The following PPP1R16B variants were observed in gnomAD, a reference collection of about 807,000 sequenced individuals.
PPP1R16B encodes the protein protein phosphatase 1 regulatory subunit 16B, also known as protein phosphatase 1 regulatory inhibitor subunit 16B.
PPP1R16B carries 14 observed loss-of-function variants against 61.7 expected under a neutral mutation model. The ratio of observed to expected loss-of-function variants is 0.23; its 90% CI spans 0.15 to 0.35. The LOEUF is 0.35. Ranked by LOEUF, PPP1R16B falls within the 10% of genes least tolerant of loss-of-function variation. PPP1R16B has a pLI of 1.00. For synonymous variants in PPP1R16B, 266 were observed against 305.3 expected, an observed-to-expected ratio of 0.87 and a Z score of 1.34; for missense variants, 547 against 752.5, an observed-to-expected ratio of 0.73 and a Z score of 3.19.
At chr20:38,898,168 T>A (rs1378503302) in intron 4 of PPP1R16B, among the ~76,000 whole-genome samples, 1 of 152,170 alleles carries the variant, frequency 6.6e-6, no homozygotes, top group Non-Finnish European at 1.5e-5. Context: ...TTATATATGG[T>A]ATTGGGTAAG....
chr20:38,913,855 C>A (rs1177266246), intron 10 of PPP1R16B, among the ~76,000 whole-genome samples: 1 of 152,022 alleles, frequency 6.6e-6, no homozygotes, highest in Non-Finnish European at 1.5e-5. Context: ...GAGTCAAAGT[C>A]CAGGATCCTG....
intron 1 of PPP1R16B, among the ~76,000 whole-genome samples, chr20:38,813,018 G>C (rs978669279): frequency 6.6e-6 from 1 of 152,136 alleles, no homozygotes; most frequent in East Asian, 1.9e-4. Context: ...ACTTTGAGAA[G>C]CAAGGGTATG....
In PPP1R16B at chr20:38,818,772, T is replaced by C. The variant is rs80286490; in HGVS notation, c.-102+12980T>C. Among the ~76,000 whole-genome samples, 338 of 151,148 alleles carry C rather than the reference T, an allele frequency of 2.2e-3. 1 individual carries two copies. The highest frequency in any genetic ancestry group is 6.8e-3 in the Middle Eastern group (2 of 294). On this transcript the variant is annotated intron_variant, in intron 1 of 10. Coordinates refer to ENST00000299824, the MANE Select transcript of PPP1R16B (RefSeq NM_015568.4). ...TTGTCCTCTTTTTTTTTTTTTTTTT[T>C]CCCCTTGAGACAAGATCTCACTCTG...
At chr20:38,870,011 C>T (rs1209460020) in intron 2 of PPP1R16B, among the ~76,000 whole-genome samples, 4 of 152,102 alleles carry the variant, frequency 2.6e-5, no homozygotes, top group African/African-American at 4.8e-5. Context: ...GCAACCTCCA[C>T]CTCCTGGGTT....
rs2145765943 is a variant in PPP1R16B, at chr20:38,895,583, G to A, written c.340G>A (p.Glu114Lys). 1 of 1,613,914 alleles carries A rather than the reference G, an allele frequency of 6.2e-7. No individual in the cohort carries two copies. Among genetic ancestry groups the A allele is most frequent in the East Asian group, 2.2e-5 (1 of 44,876 alleles). Residue 114 changes from glutamate (E) to lysine (K), a missense_variant, in exon 4 of 11, where the codon GAG (glutamate) becomes AAG (lysine). Coordinates refer to ENST00000299824, the MANE Select transcript of PPP1R16B (RefSeq NM_015568.4). ...ALHQCCIDNF[E>K]EIVKLLLSHG... is the part of the protein sequence containing the mutation. Reference sequence around the variant, plus strand: ...CTCCCAGTGCTGCATCGACAACTTTGAGGAAATTGTGAAGCTGCTCCTCTC... The same window carrying A: ...CTCCCAGTGCTGCATCGACAACTTTAAGGAAATTGTGAAGCTGCTCCTCTC...
chr20:38,867,386 T>C (rs2085097669), intron 2 of PPP1R16B, among the ~76,000 whole-genome samples: 1 of 152,216 alleles, frequency 6.6e-6, no homozygotes, highest in Admixed American at 6.5e-5. Flanking sequence ...CCAGGGTCCA[T>C]GGTTCAGATG....
intron 1 of PPP1R16B, among the ~76,000 whole-genome samples, chr20:38,808,285 G>T (rs751141413): frequency 6.6e-6 from 1 of 152,164 alleles, no homozygotes; most frequent in Non-Finnish European, 1.5e-5. Flanking sequence ...CAGCCAACCT[G>T]GTTTAGGAGA....
At chr20:38,896,580 C>A (rs943896978) in intron 4 of PPP1R16B, among the ~76,000 whole-genome samples, 1 of 151,918 alleles carries the variant, frequency 6.6e-6, no homozygotes, top group Non-Finnish European at 1.5e-5. Context: ...TTTCATTCTC[C>A]CTTTCCCCCC....
intron 4 of PPP1R16B, among the ~76,000 whole-genome samples, chr20:38,898,778 C>G (rs1052980873): frequency 6.6e-6 from 1 of 151,946 alleles, no homozygotes; most frequent in East Asian, 1.9e-4. Flanking sequence ...CCACTGCACA[C>G]CAGCCTGGGT....
Position 38,863,657 on chromosome 20 carries a change from C to T in PPP1R16B, c.251-25938C>T, listed in dbSNP as rs777504747. On this transcript the variant is annotated intron_variant, in intron 2 of 10. Coordinates refer to ENST00000299824, the MANE Select transcript of PPP1R16B (RefSeq NM_015568.4). ...GAACAGTGACGGTCACAGTAACACCCACCTCAAGGGAATTGCGAGAATTAA... is the reference window on the plus strand; with the variant it reads ...GAACAGTGACGGTCACAGTAACACCTACCTCAAGGGAATTGCGAGAATTAA... 3.3e-4 allele frequency among the ~76,000 whole-genome samples: 50 copies of T among 152,340 alleles called. No individual in the cohort carries two copies. In the Middle Eastern group the frequency reaches 0.01, roughly 31 times the overall value.
chr20:38,900,152 A>G (rs529856081), intron 4 of PPP1R16B, among the ~76,000 whole-genome samples: 4 of 152,266 alleles, frequency 2.6e-5, no homozygotes, highest in Admixed American at 2.0e-4. Context: ...AACCTGAGCT[A>G]TTATAAGGGT....
chr20:38,912,883 G>A lies in PPP1R16B; in HGVS notation c.1194+4690G>A, dbSNP rs191803619. Among the ~76,000 whole-genome samples, 24 of 152,116 alleles carry A rather than the reference G, an allele frequency of 1.6e-4. No homozygotes were observed. In the East Asian group the frequency reaches 4.4e-3, roughly 28 times the overall value. On this transcript the variant is annotated intron_variant, in intron 10 of 10. Coordinates refer to ENST00000299824, the MANE Select transcript of PPP1R16B (RefSeq NM_015568.4). Reference sequence around the variant, plus strand: ...TTTTTTGTTTTTGTTTTTTTCCTCTGAGACAAGGTCTCACTCTGTTGCCCA... The same window carrying A: ...TTTTTTGTTTTTGTTTTTTTCCTCTAAGACAAGGTCTCACTCTGTTGCCCA...
At chr20:38,835,272 T>C (rs2084862054) in intron 1 of PPP1R16B, among the ~76,000 whole-genome samples, 1 of 152,232 alleles carries the variant, frequency 6.6e-6, no homozygotes, top group Non-Finnish European at 1.5e-5. Context: ...TTCATAATTC[T>C]GAGGCCTTGG....
In PPP1R16B at chr20:38,806,242, C is replaced by T. The variant is rs2084660104; in HGVS notation, c.-102+450C>T. On this transcript the variant is annotated intron_variant, in intron 1 of 10. Coordinates refer to ENST00000299824, the MANE Select transcript of PPP1R16B (RefSeq NM_015568.4). The surrounding 1 kb of genome is among the most constrained non-coding windows in gnomAD (Gnocchi z 4.5). ...CTCTCCCGGCCGGGCATGGTGGTGC[C>T]GCCCCCTCGCGTGGCGGGGCTTGGT... Among the ~76,000 whole-genome samples, 1 of 152,110 alleles carries T rather than the reference C, an allele frequency of 6.6e-6. No individual in the cohort carries two copies. The highest frequency in any genetic ancestry group is 2.1e-4 in the South Asian group (1 of 4,836).
rs77246074 is a variant in PPP1R16B at position 38,806,209 on chromosome 20, C to G, written c.-102+417C>G. On this transcript the variant is annotated intron_variant, in intron 1 of 10. Coordinates refer to ENST00000299824, the MANE Select transcript of PPP1R16B (RefSeq NM_015568.4). The surrounding 1 kb of genome is among the most constrained non-coding windows in gnomAD (Gnocchi z 4.5). ...CACAGCGGACACCAAACAACCCCCC[C>G]CCGCGCACTCTCCCGGCCGGGCATG... 2.0e-5 allele frequency among the ~76,000 whole-genome samples: 3 copies of G among 152,100 alleles called. No individual in the cohort carries two copies. Among genetic ancestry groups the G allele is most frequent in the Admixed American group, 1.3e-4 (2 of 15,290 alleles).
At chr20:38,901,398 C>A (rs926561750) in intron 5 of PPP1R16B, among the ~76,000 whole-genome samples, 1 of 152,096 alleles carries the variant, frequency 6.6e-6, no homozygotes, top group Non-Finnish European at 1.5e-5. Context: ...CTCTATGGAC[C>A]CCTTCTCAGA....
intron 3 of PPP1R16B, among the ~76,000 whole-genome samples, chr20:38,890,506 A>G (rs1054733877): frequency 1.3e-5 from 2 of 152,208 alleles, no homozygotes; most frequent in African/African-American, 2.4e-5. Context: ...GCTGCTGTCC[A>G]CAGCAAGAGC....
At chr20:38,901,500 C>T (rs1001305511) in intron 5 of PPP1R16B, among the ~76,000 whole-genome samples, 1 of 152,202 alleles carries the variant, frequency 6.6e-6, no homozygotes, top group African/African-American at 2.4e-5. Flanking sequence ...ACCTCTGCCT[C>T]CCAGGTTCAA....
intron 1 of PPP1R16B, among the ~76,000 whole-genome samples, chr20:38,810,006 A>C (rs1377510465): frequency 2.0e-5 from 3 of 149,284 alleles, no homozygotes; most frequent in African/African-American, 4.9e-5. Context: ...AAAAAAAAAA[A>C]CAAAACCAAA....
Sources: allele counts gnomAD v4.1 joint callset (sites outside exome capture counted in the v4.1 genomes callset), GRCh38; gene constraint gnomAD v4.1.1; non-coding constraint Gnocchi (gnomAD v3.1); transcripts MANE v1.5; gene names NCBI Gene and HGNC (gene_info 2026-07-23, HGNC 2026-07-21).